CACNA1C: variants seen among roughly 807,000 people sequenced by gnomAD.
CACNA1C encodes calcium voltage-gated channel subunit alpha1 C.
Under a neutral mutation model 229.0 loss-of-function variants are expected in CACNA1C, and 30 were observed. The ratio of observed to expected loss-of-function variants is 0.13; its 90% CI spans 0.10 to 0.18. The LOEUF (loss-of-function observed/expected upper bound fraction) is 0.18. Among genes scored for constraint, CACNA1C ranks in the 10% least tolerant of loss-of-function variants. The pLI is 1.00. For synonymous variants in CACNA1C, 1,114 were observed against 1,132.5 expected (o/e 0.98, Z 0.33); for missense variants, 1,658 against 2,845.0 (o/e 0.58, Z 9.49).
At chr12:2,450,545 C>A (rs1359624533) in intron 4 of CACNA1C, among the ~76,000 whole-genome samples, 2 of 102,402 alleles carry the variant, frequency 2.0e-5, no homozygotes, top group African/African-American at 9.3e-5. Flanking sequence ...CAGAGCGAGA[C>A]TCCATCTCAA....
chr12:2,094,691 A>G (rs879337371), intron 1 of CACNA1C, among the ~76,000 whole-genome samples: 2 of 152,190 alleles, frequency 1.3e-5, no homozygotes, highest in Admixed American at 6.5e-5. Flanking sequence ...GAAGAGACTC[A>G]TGCATTCAGC....
chr12:2,553,189 T>C (rs2042248993), intron 10 of CACNA1C, among the ~76,000 whole-genome samples: 1 of 152,034 alleles, frequency 6.6e-6, no homozygotes, highest in African/African-American at 2.4e-5. Flanking sequence ...CCTCGTCCTC[T>C]GGGAAAAAGA....
At chr12:2,443,600 A>G (rs149750938) in intron 3 of CACNA1C, among the ~76,000 whole-genome samples, 4 of 152,324 alleles carry the variant, frequency 2.6e-5, no homozygotes, top group African/African-American at 9.6e-5. Flanking sequence ...GCCAGTTTGC[A>G]TGCTGAATAT....
chr12:2,316,609 G>T (rs2095703731), intron 3 of CACNA1C, among the ~76,000 whole-genome samples: 1 of 152,182 alleles, frequency 6.6e-6, no homozygotes. Context: ...TGAATAGGTG[G>T]AATAGCATGT....
chr12:2,118,913 T>C (rs1413053924), intron 2 of CACNA1C, among the ~76,000 whole-genome samples: 1 of 152,232 alleles, frequency 6.6e-6, no homozygotes, highest in Non-Finnish European at 1.5e-5. Flanking sequence ...AAGGTGGACA[T>C]AGAAAATGTT....
intron 3 of CACNA1C, among the ~76,000 whole-genome samples, chr12:2,371,003 T>A (rs1469077595): frequency 1.3e-5 from 2 of 152,208 alleles, no homozygotes; most frequent in Non-Finnish European, 2.9e-5. Flanking sequence ...GGGAACCATC[T>A]GGAAACTGTT....
At chr12:2,089,984 A>G (rs926624056) in intron 1 of CACNA1C, among the ~76,000 whole-genome samples, 7 of 152,124 alleles carry the variant, frequency 4.6e-5, no homozygotes, top group African/African-American at 1.7e-4. Context: ...AGCTGCGATC[A>G]TGCCATTGCA....
chr12:2,555,196 G>A (rs1223815830), intron 10 of CACNA1C, among the ~76,000 whole-genome samples: 1 of 152,142 alleles, frequency 6.6e-6, no homozygotes, highest in Non-Finnish European at 1.5e-5. Context: ...ATTTCCCTTG[G>A]AGACGAACAC....
intron 1 of CACNA1C, among the ~76,000 whole-genome samples, chr12:2,105,141 C>T (rs867852607): frequency 6.6e-6 from 1 of 152,184 alleles, no homozygotes; most frequent in East Asian, 1.9e-4. Flanking sequence ...TAACAGAGAG[C>T]AAGTGTGGTT....
Position 2,665,468 on chromosome 12 carries a change from G to C in CACNA1C, c.4399-113G>C. The C allele has an allele frequency of 8.8e-7, 1 of 1,131,954 alleles. No individual in the cohort carries two copies. Among genetic ancestry groups the C allele is most frequent in the Non-Finnish European group, 1.3e-6 (1 of 762,546 alleles). The allele number at this position is 1,131,954 out of a possible 1,614,324, so 70.1% of individuals were successfully genotyped here. A position where few individuals can be genotyped will look rare whatever the true frequency, so the allele number is the denominator to read the frequency against. ...CTCAGGCTGGTAGGATGGATGACTG[G>C]TCTTTAGAAATGTTGGCTTCTGCCA... On this transcript the variant is annotated intron_variant, in intron 35 of 46. Transcript: ENST00000399655. The surrounding 1 kb of genome is among the most constrained non-coding windows in gnomAD (Gnocchi z 5.9).
At chr12:2,138,605 G>A (rs1005706936) in intron 3 of CACNA1C, among the ~76,000 whole-genome samples, 3 of 151,086 alleles carry the variant, frequency 2.0e-5, no homozygotes, top group South Asian at 4.2e-4. Flanking sequence ...TCACTTCCAC[G>A]CTTCCTGCCC....
chr12:2,419,672 T>G (rs1156997553), intron 3 of CACNA1C, among the ~76,000 whole-genome samples: 1 of 152,172 alleles, frequency 6.6e-6, no homozygotes, highest in Admixed American at 6.5e-5. Context: ...ATTTGGGGGT[T>G]CAAAGAATAG....
At chr12:2,238,956 T>C (rs895563575) in intron 3 of CACNA1C, among the ~76,000 whole-genome samples, 3 of 152,206 alleles carry the variant, frequency 2.0e-5, no homozygotes, top group Admixed American at 6.5e-5. Context: ...CCCTAAGCCT[T>C]AGTTTCCTTA....
chr12:2,406,880 G>A (rs964041526), intron 3 of CACNA1C, among the ~76,000 whole-genome samples: 1 of 152,244 alleles, frequency 6.6e-6, no homozygotes, highest in African/African-American at 2.4e-5. Flanking sequence ...AGCTCCGGAT[G>A]TTATCTGAAG....
At chr12:2,296,173 T>C (rs919243248) in intron 3 of CACNA1C, among the ~76,000 whole-genome samples, 1 of 152,132 alleles carries the variant, frequency 6.6e-6, no homozygotes, top group Non-Finnish European at 1.5e-5. Flanking sequence ...TGAGCACAAA[T>C]GTTTATCCAT....
chr12:2,292,163 G>T (rs913747531), intron 3 of CACNA1C, among the ~76,000 whole-genome samples: 1 of 152,246 alleles, frequency 6.6e-6, no homozygotes, highest in Admixed American at 6.5e-5. Flanking sequence ...AAGAAACATA[G>T]AACATGACCT....
At chr12:2,444,695 C>G (rs1489202811) in intron 3 of CACNA1C, among the ~76,000 whole-genome samples, 3 of 152,160 alleles carry the variant, frequency 2.0e-5, no homozygotes, top group African/African-American at 7.2e-5. Context: ...GCATCACCAT[C>G]CACACAGTCA....
At chr12:2,113,013 C>CTAAGTCACT (rs764828306) in intron 1 of CACNA1C, among the ~76,000 whole-genome samples, 16 of 152,222 alleles carry the variant, frequency 1.1e-4, no homozygotes, top group Admixed American at 3.3e-4. Flanking sequence ...TTAGCTTTAG[C>CTAAGTCACT]TAAGTCACTT....
At chr12:2,437,534 A>G (rs141393176) in intron 3 of CACNA1C, among the ~76,000 whole-genome samples, 121 of 152,320 alleles carry the variant, frequency 7.9e-4, no homozygotes, top group Middle Eastern at 3.4e-3. Flanking sequence ...TCATCTCTAT[A>G]TTGGAGATAG....
Sources: allele counts gnomAD v4.1 joint callset (sites outside exome capture counted in the v4.1 genomes callset), GRCh38; gene constraint gnomAD v4.1.1; non-coding constraint Gnocchi (gnomAD v3.1); transcripts MANE v1.5; gene names NCBI Gene and HGNC (gene_info 2026-07-23, HGNC 2026-07-21).